JMY: variants seen among roughly 807,000 people sequenced by gnomAD.
The protein encoded by JMY is junction-mediating and -regulatory protein.
A neutral mutation model predicts 103.3 loss-of-function variants in JMY; 46 were observed. The ratio of observed to expected loss-of-function variants is 0.45; its 90% CI spans 0.35 to 0.57. The LOEUF (loss-of-function observed/expected upper bound fraction) is 0.57, where lower values mean the gene tolerates loss of function less well. JMY is among the 20% of genes least tolerant of loss of function. JMY has a pLI of 0.00. For synonymous variants in JMY, 526 were observed against 489.3 expected, an observed-to-expected ratio of 1.07 and a Z score of -0.99; for missense variants, 1,238 against 1,255.2, an observed-to-expected ratio of 0.99 and a Z score of 0.21.
intron 1 of JMY, among the ~76,000 whole-genome samples, chr5:79,264,981 G>T (rs1160901480): frequency 6.6e-6 from 1 of 152,232 alleles, no homozygotes; most frequent in South Asian, 2.1e-4. Context: ...GGAGTGAGTG[G>T]CACGATCTTG....
Position 79,277,901 on chromosome 5 carries a change from G to T in JMY, c.1033-9G>T, listed in dbSNP as rs377079412. ...ATTTTCTTAGTTGTGAAACTGTCTT[G>T]TTCCACAGCTCTTGGATAAGCACAA... On this transcript the variant is annotated splice_polypyrimidine_tract_variant and intron_variant, in intron 1 of 10. Coordinates refer to ENST00000396137, the MANE Select transcript of JMY (RefSeq NM_152405.5). 4 of 1,603,886 alleles carry T rather than the reference G, an allele frequency of 2.5e-6. No homozygotes were observed. The African/African-American group carries it at 5.4e-5, about 21-fold the overall frequency.
At chr5:79,273,768 G>A (rs533385077) in intron 1 of JMY, among the ~76,000 whole-genome samples, 9 of 152,194 alleles carry the variant, frequency 5.9e-5, no homozygotes, top group East Asian at 3.9e-4. Flanking sequence ...ACCTCATCTC[G>A]GGTTGTGGGG....
At chr5:79,318,789 G>GAA (rs1747343827) in intron 10 of JMY, among the ~76,000 whole-genome samples, 1 of 22,052 alleles carries the variant, frequency 4.5e-5, no homozygotes, top group East Asian at 9.1e-4. Flanking sequence ...GAGAGAGAGA[G>GAA]AGAGAGAGAG....
chr5:79,236,492 C>T lies in JMY; in HGVS notation c.-159C>T. On this transcript the variant is annotated 5_prime_UTR_variant, in exon 1 of 11. Transcript: ENST00000396137. ...CCACAAAGGAGCTCGGCGGTCGGGG[C>T]GCGGAGGGACAGGCGAACGAGCCGG... 2.1e-6 allele frequency: 1 copy of T among 479,992 alleles called. No homozygotes were observed. The highest frequency in any genetic ancestry group is 3.4e-6 in the Non-Finnish European group (1 of 291,594). The allele number at this position is 479,992 out of a possible 1,614,324, so 29.7% of individuals were successfully genotyped here. A position where few individuals can be genotyped will look rare whatever the true frequency, so the allele number is the denominator to read the frequency against.
chr5:79,240,166 C>A (rs1242332242), intron 1 of JMY, among the ~76,000 whole-genome samples: 1 of 150,914 alleles, frequency 6.6e-6, no homozygotes, highest in Non-Finnish European at 1.5e-5. Flanking sequence ...TAGGCGTGTG[C>A]CACCTTGTCC....
chr5:79,318,111 C>T (rs551174869), intron 10 of JMY, among the ~76,000 whole-genome samples: 12 of 152,032 alleles, frequency 7.9e-5, no homozygotes, highest in Non-Finnish European at 1.0e-4. Flanking sequence ...AAGTGAATCT[C>T]GTGCCTCAGC....
intron 1 of JMY, among the ~76,000 whole-genome samples, chr5:79,247,805 A>G (rs1487272695): frequency 2.0e-5 from 3 of 151,696 alleles, no homozygotes; most frequent in Admixed American, 6.6e-5. Context: ...GGCACCCGCC[A>G]CCATGCCTGG....
intron 7 of JMY, among the ~76,000 whole-genome samples, chr5:79,307,419 T>TA (rs1473552486): frequency 2.6e-5 from 4 of 152,124 alleles, no homozygotes; most frequent in African/African-American, 9.7e-5. Context: ...TTGCTGTTGT[T>TA]ACGTTTTTGA....
At chr5:79,291,364 CA>C in intron 4 of JMY, 65 bp downstream of exon 4, 1 of 1,400,660 alleles carries the variant, frequency 7.1e-7, no homozygotes, top group South Asian at 1.5e-5. Context: ...AATCTTTGCA[CA>C]AGACATTTTT....
rs778071631 is a variant in JMY at position 79,300,105 on chromosome 5, T to A, written c.1528-48T>A. 10 of 1,540,106 alleles carry A rather than the reference T, an allele frequency of 6.5e-6. No homozygotes were observed. In the South Asian group the frequency reaches 1.1e-4, roughly 17 times the overall value. ...TTAATTTTTAATACTAACTCAATTT[T>A]CTTGTCCCCACCAGCTAGAAATTTT... On this transcript the variant is annotated intron_variant, in intron 4 of 10. Transcript: ENST00000396137.
chr5:79,299,959 T>C (rs1326606270), intron 4 of JMY, among the ~76,000 whole-genome samples, 194 bp from the exon 5 acceptor site: 2 of 149,780 alleles, frequency 1.3e-5, no homozygotes, highest in African/African-American at 4.9e-5. Context: ...CACCATATAA[T>C]ATGACTTGAT....
intron 1 of JMY, among the ~76,000 whole-genome samples, chr5:79,244,659 T>A (rs1684491420): frequency 1.5e-5 from 1 of 64,938 alleles, no homozygotes; most frequent in Non-Finnish European, 4.0e-5. Context: ...TGTGTGCCTA[T>A]TTTTTTTTTT....
chr5:79,264,116 A>C (rs921731254), intron 1 of JMY, among the ~76,000 whole-genome samples: 2 of 150,706 alleles, frequency 1.3e-5, no homozygotes, highest in African/African-American at 4.9e-5. Context: ...ATAGGGTCTC[A>C]CTCTGGTTGC....
chr5:79,312,563 A>G, intron 8 of JMY, 65 bp downstream of exon 8: 1 of 773,866 alleles, frequency 1.3e-6, no homozygotes, highest in Non-Finnish European at 2.0e-6. Flanking sequence ...AGCTACATAT[A>G]CACCTGTAGG....
chr5:79,260,342 G>A (rs1002285630), intron 1 of JMY, among the ~76,000 whole-genome samples: 5 of 152,148 alleles, frequency 3.3e-5, no homozygotes, highest in African/African-American at 1.2e-4. Flanking sequence ...CACCACTGCC[G>A]CTCCCACAGC....
intron 1 of JMY, among the ~76,000 whole-genome samples, chr5:79,261,486 G>A (rs181900480): frequency 1.2e-4 from 18 of 152,240 alleles, no homozygotes; most frequent in African/African-American, 4.3e-4. Context: ...AAGCCCTGGA[G>A]GTTGAGGTTA....
chr5:79,274,709 T>G (rs1482934431), intron 1 of JMY, among the ~76,000 whole-genome samples: 1 of 152,176 alleles, frequency 6.6e-6, no homozygotes, highest in Non-Finnish European at 1.5e-5. Flanking sequence ...CCTGCCCCAT[T>G]GATTGCTTTT....
intron 2 of JMY, among the ~76,000 whole-genome samples, chr5:79,281,017 A>G (rs1356895204): frequency 1.3e-5 from 2 of 151,226 alleles, no homozygotes; most frequent in African/African-American, 4.8e-5. Context: ...ATAGAAAAAA[A>G]GAAAATAATT....
At chr5:79,295,207 G>A (rs977508670) in intron 4 of JMY, among the ~76,000 whole-genome samples, 2 of 152,186 alleles carry the variant, frequency 1.3e-5, no homozygotes, top group African/African-American at 4.8e-5. Flanking sequence ...ACCCTCTCCA[G>A]TAGGGTAGTT....
Sources: gnomAD v4.1 joint callset for allele counts (sites outside exome capture counted in the v4.1 genomes callset) on GRCh38, gnomAD v4.1.1 for gene constraint, MANE v1.5 for transcripts, NCBI Gene and HGNC (gene_info 2026-07-23, HGNC 2026-07-21) for gene names.